The following MARCHF6 variants were observed in gnomAD, a reference collection of about 807,000 sequenced individuals.
The protein encoded by MARCHF6 is membrane associated ring-CH-type finger 6, also known as E3 ubiquitin-protein ligase MARCHF6.
In MARCHF6, 31 loss-of-function variants were observed where a neutral mutation model predicts 133.7. That is an observed-to-expected ratio of 0.23 (90% CI 0.17 to 0.31). MARCHF6 has a LOEUF of 0.31. Among genes scored for constraint, MARCHF6 ranks in the 10% least tolerant of loss-of-function variants. The pLI, the probability that MARCHF6 is intolerant of heterozygous loss-of-function variation, is 1.00. For missense variants in MARCHF6, 723 were observed against 1,121.6 expected (o/e 0.64, Z 5.08); for synonymous variants, 395 against 402.5 (o/e 0.98, Z 0.22).
chr5:10,419,778 A>G (rs1739735334), intron 22 of MARCHF6, among the ~76,000 whole-genome samples: 1 of 152,236 alleles, frequency 6.6e-6, no homozygotes, highest in South Asian at 2.1e-4. Context: ...TTCAGTTGCT[A>G]TTGCTGTGTA....
chr5:10,415,440 T>C, intron 20 of MARCHF6, 48 bp from the exon 21 acceptor site: 2 of 1,510,214 alleles, frequency 1.3e-6, no homozygotes, highest in Non-Finnish European at 1.8e-6. Context: ...AGATGACAAT[T>C]CTCTTTACCT....
intron 1 of MARCHF6, among the ~76,000 whole-genome samples, chr5:10,358,075 G>C (rs1195177489): frequency 6.6e-6 from 1 of 151,032 alleles, no homozygotes; most frequent in Non-Finnish European, 1.5e-5. Context: ...TAGCAGTAAA[G>C]GAAGGCCTCA....
At chr5:10,381,497 A>G (rs1737142792) in intron 3 of MARCHF6, among the ~76,000 whole-genome samples, 1 of 152,190 alleles carries the variant, frequency 6.6e-6, no homozygotes, top group Non-Finnish European at 1.5e-5. Context: ...TTGAATGTTA[A>G]AATGTGTGTA....
rs929976955 is a variant in MARCHF6 at position 10,399,169 on chromosome 5, C to T, written c.914-1615C>T. Among the ~76,000 whole-genome samples the T allele has an allele frequency of 3.3e-5, 5 of 152,116 alleles. No homozygotes were observed. In the South Asian group the frequency reaches 1.0e-3, roughly 32 times the overall value. On this transcript the variant is annotated intron_variant, in intron 10 of 25. Transcript: ENST00000274140. ...CTGCTAATAGAGTTAAAACTTGCCCCTCCCAGGGGCCTAGTTGAGTCATCT... is the reference window on the plus strand; with the variant it reads ...CTGCTAATAGAGTTAAAACTTGCCCTTCCCAGGGGCCTAGTTGAGTCATCT...
chr5:10,432,249 G>A (rs574337070), intron 25 of MARCHF6, among the ~76,000 whole-genome samples: 1 of 152,334 alleles, frequency 6.6e-6, no homozygotes, highest in South Asian at 2.1e-4. Flanking sequence ...TCACCGGGCT[G>A]CATACACTTT....
chr5:10,424,616 C>T (rs1359158346), intron 23 of MARCHF6, among the ~76,000 whole-genome samples: 3 of 152,156 alleles, frequency 2.0e-5, no homozygotes, highest in Non-Finnish European at 2.9e-5. Flanking sequence ...CAGTAGCTTA[C>T]GGTATCTAGA....
chr5:10,364,781 G>C (rs1736033750), intron 1 of MARCHF6, among the ~76,000 whole-genome samples: 1 of 152,158 alleles, frequency 6.6e-6, no homozygotes, highest in South Asian at 2.1e-4. Context: ...AGTAGAAAAT[G>C]GTTTCGCTGT....
chr5:10,395,191 T>C (rs918411303), intron 9 of MARCHF6, among the ~76,000 whole-genome samples: 1 of 152,234 alleles, frequency 6.6e-6, no homozygotes, highest in African/African-American at 2.4e-5. Context: ...AGATGCCCTT[T>C]GGCTTTTAAT....
chr5:10,428,905 G>A (rs1414871259), intron 24 of MARCHF6, among the ~76,000 whole-genome samples: 3 of 152,164 alleles, frequency 2.0e-5, no homozygotes, highest in Admixed American at 1.3e-4. Flanking sequence ...AATGAAAAAT[G>A]TTGGTACCTG....
At chr5:10,429,782 G>C in intron 24 of MARCHF6, 111 bp from the exon 25 acceptor site, 1 of 822,290 alleles carries the variant, frequency 1.2e-6, no homozygotes, top group Middle Eastern at 3.4e-4. Flanking sequence ...CAGACCTGGG[G>C]CTTAGAAAGC....
intron 1 of MARCHF6, chr5:10,354,789 G>C (rs968637341): frequency 2.0e-5 from 3 of 152,048 alleles, no homozygotes; most frequent in Non-Finnish European, 4.4e-5. Flanking sequence ...TTCTACTTTA[G>C]GTATATTTAT....
At chr5:10,405,743 G>GTT in intron 16 of MARCHF6, 66 bp downstream of exon 16, 5 of 1,418,356 alleles carry the variant, frequency 3.5e-6, no homozygotes, top group South Asian at 1.5e-5. Flanking sequence ...TTTTGTTTAG[G>GTT]TTTTTTTTTC....
At chr5:10,355,679 A>G (rs1270452773) in intron 1 of MARCHF6, among the ~76,000 whole-genome samples, 1 of 152,248 alleles carries the variant, frequency 6.6e-6, no homozygotes, top group East Asian at 1.9e-4. Flanking sequence ...CACTTTATAT[A>G]CATTTCATTT....
chr5:10,358,485 T>C (rs1455692362), intron 1 of MARCHF6, among the ~76,000 whole-genome samples: 1 of 152,208 alleles, frequency 6.6e-6, no homozygotes, highest in Non-Finnish European at 1.5e-5. Flanking sequence ...ATTACCTCTG[T>C]ACTGAACATG....
At chr5:10,368,645 T>C (rs978118813) in intron 1 of MARCHF6, among the ~76,000 whole-genome samples, 1 of 152,182 alleles carries the variant, frequency 6.6e-6, no homozygotes, top group Non-Finnish European at 1.5e-5. Context: ...AGTGGCGTCA[T>C]CTCGGTTTGC....
intron 5 of MARCHF6, among the ~76,000 whole-genome samples, chr5:10,388,457 A>G (rs1026887143): frequency 1.3e-5 from 2 of 152,154 alleles, no homozygotes; most frequent in Non-Finnish European, 2.9e-5. Flanking sequence ...GCACTGTATC[A>G]GTTATCTATT....
At chr5:10,408,095 A>G (rs1739016338) in intron 17 of MARCHF6, among the ~76,000 whole-genome samples, 1 of 152,058 alleles carries the variant, frequency 6.6e-6, no homozygotes, top group Non-Finnish European at 1.5e-5. Flanking sequence ...TATTTCCTCA[A>G]GTTTACTTCT....
intron 24 of MARCHF6, among the ~76,000 whole-genome samples, chr5:10,426,818 A>G (rs1740112528): frequency 6.6e-6 from 1 of 152,198 alleles, no homozygotes; most frequent in Non-Finnish European, 1.5e-5. Context: ...TCTTCTGACT[A>G]GAAGTGCTGT....
intron 24 of MARCHF6, among the ~76,000 whole-genome samples, chr5:10,428,331 G>GTTTT (rs10604024): frequency 1.1e-4 from 8 of 75,780 alleles, no homozygotes; most frequent in African/African-American, 3.2e-4. Flanking sequence ...TTGCTTTTTA[G>GTTTT]TTTTTTTTTT....
Sources: gnomAD v4.1 joint callset for allele counts (sites outside exome capture counted in the v4.1 genomes callset) on GRCh38, gnomAD v4.1.1 for gene constraint, MANE v1.5 for transcripts, NCBI Gene and HGNC (gene_info 2026-07-23, HGNC 2026-07-21) for gene names.